The following TMEM175 variants were observed in gnomAD, a reference collection of about 807,000 sequenced individuals.
TMEM175 encodes transmembrane protein 175.
A neutral mutation model predicts 36.5 loss-of-function variants in TMEM175; 36 were observed. The ratio of observed to expected loss-of-function variants is 0.99; its 90% CI spans 0.76 to 1.30. The LOEUF is 1.30. Among genes scored for constraint, TMEM175 ranks in the 50% most tolerant of loss-of-function variants. TMEM175 has a pLI of 0.00. For synonymous variants in TMEM175, 339 were observed against 313.4 expected (o/e 1.08, Z -0.86); for missense variants, 705 against 692.8 (o/e 1.02, Z -0.20).
At chr4:949,406 G>C (rs1728583511) in intron 3 of TMEM175, among the ~76,000 whole-genome samples, 2 of 152,200 alleles carry the variant, frequency 1.3e-5, no homozygotes, top group Admixed American at 1.3e-4. Context: ...AGCTCATTCA[G>C]AGAACACATT....
chr4:952,500 G>GA, intron 7 of TMEM175, 50 bp downstream of exon 7: 1 of 1,449,930 alleles, frequency 6.9e-7, no homozygotes, highest in Non-Finnish European at 9.4e-7. Flanking sequence ...GTGTGTGTGT[G>GA]TGTGTGTGTG....
intron 6 of TMEM175, 33 bp from the exon 7 acceptor site, chr4:952,334 T>TG (rs750977191): frequency 1.2e-5 from 19 of 1,595,518 alleles, no homozygotes; most frequent in South Asian, 7.7e-5. Flanking sequence ...ACCTAGGATT[T>TG]GGGGGGGTTT....
Position 958,528 on chromosome 4 carries a change from C to A in TMEM175, c.*32C>A. Reference sequence around the variant, plus strand: ...CAGAGCCCACTCCCAGCCGTCCTCACCAGAGATGGACCAGGGAGGACAGGA... The same window carrying A: ...CAGAGCCCACTCCCAGCCGTCCTCAACAGAGATGGACCAGGGAGGACAGGA... On this transcript the variant is annotated 3_prime_UTR_variant, in exon 11 of 11. Transcript: ENST00000264771. 1.4e-6 allele frequency: 2 copies of A among 1,456,016 alleles called. No homozygotes were observed. Among genetic ancestry groups the A allele is most frequent in the African/African-American group, 2.8e-5 (2 of 71,340 alleles). 90.2% of individuals were successfully genotyped at this position (1,456,016 alleles called of 1,614,324 possible). A position where few individuals can be genotyped will look rare whatever the true frequency, so the allele number is the denominator to read the frequency against.
rs367699960 is a variant in TMEM175 at position 948,203 on chromosome 4, G to A, written c.192+49G>A. ...CGTGGTGTGGCCCTGCGAAGATATA[G>A]GGTCCCCGAGGCTCGACCTGGCACA... On this transcript the variant is annotated intron_variant, in intron 3 of 10. Transcript: ENST00000264771. 484 of 1,613,912 alleles carry A rather than the reference G, an allele frequency of 3.0e-4. 5 individuals carry two copies. The South Asian group carries it at 4.9e-3, about 16-fold the overall frequency.
At chr4:956,443 G>GTTTT (rs748261443) in intron 10 of TMEM175, 289 of 1,208,340 alleles carry the variant, frequency 2.4e-4, no homozygotes, top group East Asian at 1.3e-3. Context: ...TTTTTGTGGG[G>GTTTT]TTTTTTTTTT....
chr4:953,409 G>A (rs933330682), intron 8 of TMEM175, 55 bp downstream of exon 8: 1 of 1,542,596 alleles, frequency 6.5e-7, no homozygotes, highest in African/African-American at 1.4e-5. Context: ...CACCATAGGA[G>A]CAATGTCCCC....
At chr4:957,708 T>G (rs997007536) in intron 10 of TMEM175, 116 bp from the exon 11 acceptor site, 5 of 1,001,978 alleles carry the variant, frequency 5.0e-6, no homozygotes, top group East Asian at 4.8e-5. Flanking sequence ...GAAGTCCACA[T>G]GGTTCATCTG....
chr4:948,747 T>C, intron 3 of TMEM175: 1 of 1,046,778 alleles, frequency 9.6e-7, no homozygotes, highest in South Asian at 1.6e-5. Flanking sequence ...TGTGTCCTCA[T>C]GACAGGGTCG....
intron 3 of TMEM175, 74 bp downstream of exon 3, chr4:948,228 A>T (rs1728433580): frequency 1.9e-6 from 3 of 1,613,126 alleles, no homozygotes; most frequent in Non-Finnish European, 1.7e-6. Context: ...GACCTGGCAC[A>T]GGGTGCTGAC....
intron 10 of TMEM175, among the ~76,000 whole-genome samples, chr4:957,376 G>A (rs984736496): frequency 8.5e-5 from 13 of 152,198 alleles, no homozygotes; most frequent in African/African-American, 3.1e-4. Context: ...AGACCCCCAT[G>A]TGCATCTGAG....
intron 1 of TMEM175, 34 bp from the exon 2 acceptor site, chr4:947,675 C>G (rs1728350135): frequency 6.5e-7 from 1 of 1,539,844 alleles, no homozygotes; most frequent in Non-Finnish European, 8.8e-7. Context: ...CAGGAGCGCC[C>G]CACAGGCACA....
In TMEM175 at chr4:958,172, GC is replaced by G. The variant is rs1560504805; in HGVS notation, c.1192del (p.Leu398CysfsTer43). On this transcript the variant is annotated frameshift_variant, in exon 11 of 11. Coordinates refer to ENST00000264771, the MANE Select transcript of TMEM175 (RefSeq NM_032326.4). LOFTEE classifies it low-confidence loss of function (END_TRUNC). Reference sequence around the variant, plus strand: ...TCCAGCTGGCCATGTGGACCACGGCGCTGCTGCACCAGGCGGAGACGCTGCA... The same window carrying G: ...TCCAGCTGGCCATGTGGACCACGGCGTGCTGCACCAGGCGGAGACGCTGCA... ...IFQLAMWTTA[L>X]LHQAETLQPS... The G allele has an allele frequency of 6.2e-7, 1 of 1,603,366 alleles. No homozygotes were observed. The highest frequency in any genetic ancestry group is 8.5e-7 in the Non-Finnish European group (1 of 1,179,066).
At position 952,268 on chromosome 4, in the gene TMEM175, G is replaced by A. The variant is rs150859578; in HGVS notation, c.379-99G>A. On this transcript the variant is annotated intron_variant, in intron 6 of 10. Transcript: ENST00000264771. ...TGATGGCCCCACCGCATCTCCCAGC[G>A]TCCCGTGGAGTGGGGAGGCTCACCA... is the stretch of plus-strand genomic sequence containing the variant. 530 of 1,062,464 alleles carry A rather than the reference G, an allele frequency of 5.0e-4. 4 individuals are homozygous for A. The African/African-American group carries it at 6.7e-3, about 13-fold the overall frequency. 65.8% of individuals were successfully genotyped at this position (1,062,464 alleles called of 1,614,324 possible). A position where few individuals can be genotyped will look rare whatever the true frequency, so the allele number is the denominator to read the frequency against.
Position 932,567 on chromosome 4 carries a change from C to T in TMEM175, c.-32+27C>T. ...TAGTTCAGCGCCCCAGTCCAGCTCC[C>T]GGTACCGTTCCCCACATGGTCTGTT... On this transcript the variant is annotated intron_variant, in intron 1 of 10. Transcript: ENST00000264771. The surrounding 1 kb of genome is among the most constrained non-coding windows in gnomAD (Gnocchi z 4.0). 2.4e-6 allele frequency: 1 copy of T among 422,162 alleles called. No individual in the cohort carries two copies. Among genetic ancestry groups the T allele is most frequent in the Non-Finnish European group, 4.2e-6 (1 of 240,608 alleles). The allele number at this position is 422,162 out of a possible 1,614,324, so 26.2% of individuals were successfully genotyped here.
At chr4:956,126 C>G (rs1729600981) in intron 10 of TMEM175, among the ~76,000 whole-genome samples, 1 of 152,162 alleles carries the variant, frequency 6.6e-6, no homozygotes, top group Non-Finnish European at 1.5e-5. Context: ...CCAAGCACAG[C>G]CGAGGATGGG....
intron 1 of TMEM175, among the ~76,000 whole-genome samples, chr4:947,348 G>T (rs553168569): frequency 6.6e-6 from 1 of 152,148 alleles, no homozygotes; most frequent in East Asian, 1.9e-4. Flanking sequence ...ACGCATGCAC[G>T]GTCAAGGGCC....
At chr4:950,330 G>A (rs1028835024) in intron 3 of TMEM175, 91 bp from the exon 4 acceptor site, 121 of 1,110,728 alleles carry the variant, frequency 1.1e-4, no homozygotes, top group Middle Eastern at 2.0e-4. Flanking sequence ...GCCCTGGGCC[G>A]AGGCCAGCCC....
At position 948,102 on chromosome 4, in the gene TMEM175, CTT is replaced by C. The variant is rs1314257826; in HGVS notation, c.154-12_154-11del. 1 of 1,614,160 alleles carries C rather than the reference CTT, an allele frequency of 6.2e-7. No individual in the cohort carries two copies. The highest frequency in any genetic ancestry group is 8.5e-7 in the Non-Finnish European group (1 of 1,180,034). ...CTTGCTCTCCTGCTTCCTTCTGTCT[CTT>C]TGCCCCCTCAGATCCTGCCTGTGAC... On this transcript the variant is annotated splice_polypyrimidine_tract_variant and intron_variant, in intron 2 of 10. Coordinates refer to ENST00000264771, the MANE Select transcript of TMEM175 (RefSeq NM_032326.4).
chr4:957,595 G>C (rs1420315756), intron 10 of TMEM175, among the ~76,000 whole-genome samples: 7 of 152,266 alleles, frequency 4.6e-5, no homozygotes, highest in Admixed American at 3.3e-4. Flanking sequence ...CATTAGCACA[G>C]AGCAGAAGGG....
Sources: allele counts gnomAD v4.1 joint callset (sites outside exome capture counted in the v4.1 genomes callset), GRCh38; gene constraint gnomAD v4.1.1; non-coding constraint Gnocchi (gnomAD v3.1); transcripts MANE v1.5; gene names NCBI Gene and HGNC (gene_info 2026-07-23, HGNC 2026-07-21).